CSNK2A2IP: variants seen among roughly 807,000 people sequenced by gnomAD.
CSNK2A2IP encodes the protein casein kinase II subunit alpha'-interacting protein.
chr3:88,382,067 A>G, the CSNK2A2IP span, among the ~76,000 whole-genome samples: 2,513 of 152,268 alleles, frequency 0.017, 89 homozygotes, highest in African/African-American at 0.058. Flanking sequence ...CTCTCTCCCA[A>G]TCTGATTCTT....
the CSNK2A2IP span, among the ~76,000 whole-genome samples, chr3:88,359,973 A>T: frequency 6.6e-6 from 1 of 152,090 alleles, no homozygotes; most frequent in Non-Finnish European, 1.5e-5. Flanking sequence ...GAAGTCCCCA[A>T]CTATTATTGT....
chr3:88,383,854 C>G, the CSNK2A2IP span, among the ~76,000 whole-genome samples: 1 of 151,910 alleles, frequency 6.6e-6, no homozygotes, highest in East Asian at 1.9e-4. Flanking sequence ...TTAGTAGAGA[C>G]AGGGTTCACC....
the CSNK2A2IP span, among the ~76,000 whole-genome samples, chr3:88,387,352 G>A: frequency 2.6e-5 from 4 of 151,830 alleles, no homozygotes; most frequent in Non-Finnish European, 4.4e-5. Context: ...TGTATTTTTC[G>A]TAGAGATGGG....
the CSNK2A2IP span, among the ~76,000 whole-genome samples, chr3:88,404,377 C>G: frequency 6.6e-6 from 1 of 152,186 alleles, no homozygotes; most frequent in African/African-American, 2.4e-5. Context: ...ATAAGAAAAT[C>G]CTCAATATTC....
At chr3:88,345,778 C>A in the CSNK2A2IP span, among the ~76,000 whole-genome samples, 1 of 147,546 alleles carries the variant, frequency 6.8e-6, no homozygotes, top group African/African-American at 2.5e-5. Context: ...TGAAATAAGT[C>A]ATTTAATAAC....
chr3:88,358,801 T>G, the CSNK2A2IP span, among the ~76,000 whole-genome samples: 1 of 152,120 alleles, frequency 6.6e-6, no homozygotes, highest in African/African-American at 2.4e-5. Context: ...TTTTTGTTGT[T>G]GTTGTGTCTG....
At chr3:88,441,412 A>G in the CSNK2A2IP span, among the ~76,000 whole-genome samples, 2 of 152,150 alleles carry the variant, frequency 1.3e-5, no homozygotes, top group Non-Finnish European at 2.9e-5. Flanking sequence ...TTAGTTTCCT[A>G]CATTAACTGA....
chr3:88,341,304 TG>T, the CSNK2A2IP span, among the ~76,000 whole-genome samples: 3 of 151,952 alleles, frequency 2.0e-5, no homozygotes, highest in Admixed American at 6.6e-5. Flanking sequence ...TATTATTATA[TG>T]CATTTTTATA....
At chr3:88,430,855 A>T in the CSNK2A2IP span, among the ~76,000 whole-genome samples, 2 of 152,228 alleles carry the variant, frequency 1.3e-5, no homozygotes, top group East Asian at 3.9e-4. Context: ...AAATGGTGAC[A>T]TTGCAGATCT....
At chr3:88,341,104 A>G in the CSNK2A2IP span, among the ~76,000 whole-genome samples, 6 of 151,992 alleles carry the variant, frequency 3.9e-5, no homozygotes, top group Non-Finnish European at 5.9e-5. Flanking sequence ...TTTATGTGAA[A>G]TAATATGAAA....
chr3:88,389,428 G>A, the CSNK2A2IP span, among the ~76,000 whole-genome samples: 5 of 152,152 alleles, frequency 3.3e-5, no homozygotes, highest in Non-Finnish European at 7.4e-5. Context: ...GAGAAGTGAG[G>A]CAGGATGAGA....
At chr3:88,391,135 G>A in the CSNK2A2IP span, among the ~76,000 whole-genome samples, 56 of 152,248 alleles carry the variant, frequency 3.7e-4, no homozygotes, top group African/African-American at 1.3e-3. Flanking sequence ...AAGAGCCTAT[G>A]TTTATGTCTA....
the CSNK2A2IP span, among the ~76,000 whole-genome samples, chr3:88,376,515 C>A: frequency 1.3e-5 from 2 of 151,702 alleles, no homozygotes; most frequent in South Asian, 2.1e-4. Flanking sequence ...AGGCTGAGTT[C>A]TTCTCGTATT....
At chr3:88,465,080 G>T in the CSNK2A2IP span, 9 of 272,800 alleles carry the variant, frequency 3.3e-5, no homozygotes, top group Non-Finnish European at 6.1e-5. Context: ...TTACTATTTT[G>T]TTAACAGGCA....
chr3:88,360,197 G>A, the CSNK2A2IP span, among the ~76,000 whole-genome samples: 4,115 of 149,820 alleles, frequency 0.027, 86 homozygotes, highest in South Asian at 0.047. Flanking sequence ...GTGCAGTGGC[G>A]TGATCTTGGC....
chr3:88,389,825 A>G, the CSNK2A2IP span, among the ~76,000 whole-genome samples: 1 of 113,134 alleles, frequency 8.8e-6, no homozygotes, highest in Non-Finnish European at 2.1e-5. Flanking sequence ...AAAACCCTGT[A>G]CTTTTTTTTT....
the CSNK2A2IP span, among the ~76,000 whole-genome samples, chr3:88,402,147 C>A: frequency 1.3e-5 from 2 of 151,600 alleles, no homozygotes; most frequent in Non-Finnish European, 1.5e-5. Flanking sequence ...AACCCAGTAA[C>A]TGACTGCTTG....
At chr3:88,417,014 AT>A in the CSNK2A2IP span, among the ~76,000 whole-genome samples, 100 of 151,544 alleles carry the variant, frequency 6.6e-4, no homozygotes, top group African/African-American at 2.1e-3. Context: ...TATTCAATAT[AT>A]TTTTATCAAA....
chr3:88,442,199 A>G, the CSNK2A2IP span, among the ~76,000 whole-genome samples: 4 of 151,984 alleles, frequency 2.6e-5, no homozygotes. Context: ...TGGCCTATGA[A>G]TTTTTTTAAA....
Sources: gnomAD v4.1 joint callset for allele counts (sites outside exome capture counted in the v4.1 genomes callset) on GRCh38, gnomAD v4.1.1 for gene constraint, MANE v1.5 for transcripts, NCBI Gene and HGNC (gene_info 2026-07-23, HGNC 2026-07-21) for gene names.